Variants in EPHA3 observed in about 807,000 individuals in gnomAD.
EPHA3 encodes ephrin type-A receptor 3.
In EPHA3, 42 loss-of-function variants were observed where a neutral mutation model predicts 107.1. The observed-to-expected ratio is 0.39, with a 90% CI of 0.31 to 0.51. The LOEUF (loss-of-function observed/expected upper bound fraction) is 0.51. EPHA3 is among the 20% of genes least tolerant of loss of function. The pLI is 0.78. For missense variants in EPHA3, 1,183 were observed against 1,211.2 expected (o/e 0.98, Z 0.35); for synonymous variants, 461 against 424.8 (o/e 1.09, Z -1.05).
chr3:89,270,540 G>A (rs1431521924), intron 3 of EPHA3, among the ~76,000 whole-genome samples: 1 of 152,040 alleles, frequency 6.6e-6, no homozygotes, highest in Non-Finnish European at 1.5e-5. Flanking sequence ...GCCTGAGTAT[G>A]AATTCAGTCC....
At chr3:89,319,112 T>C (rs1706980261) in intron 3 of EPHA3, among the ~76,000 whole-genome samples, 1 of 151,990 alleles carries the variant, frequency 6.6e-6, no homozygotes, top group South Asian at 2.1e-4. Flanking sequence ...TTTCTCCAGG[T>C]TCCAAAATGT....
At chr3:89,406,467 T>G (rs1463243514) in intron 7 of EPHA3, among the ~76,000 whole-genome samples, 1 of 152,196 alleles carries the variant, frequency 6.6e-6, no homozygotes, top group Non-Finnish European at 1.5e-5. Context: ...CATTCTCTAT[T>G]GCTGCTACTC....
chr3:89,315,422 G>C lies in EPHA3; in HGVS notation c.815-25494G>C, dbSNP rs909174607. Among the ~76,000 whole-genome samples the C allele has an allele frequency of 2.6e-5, 4 of 151,620 alleles. No homozygotes were observed. The Admixed American group carries it at 2.6e-4, about 10-fold the overall frequency. ...AGCTCAGGGAACATGAACACTTCAG[G>C]GCACCTTCAGGGATTAATGAAAGCT... is the stretch of plus-strand genomic sequence containing the variant. On this transcript the variant is annotated intron_variant, in intron 3 of 16. Coordinates refer to ENST00000336596, the MANE Select transcript of EPHA3 (RefSeq NM_005233.6).
intron 2 of EPHA3, among the ~76,000 whole-genome samples, chr3:89,137,141 T>C (rs570846725): frequency 6.6e-6 from 1 of 152,036 alleles, no homozygotes; most frequent in Admixed American, 6.6e-5. Context: ...ACTGAATAGG[T>C]TTGTGCATTA....
intron 5 of EPHA3, among the ~76,000 whole-genome samples, chr3:89,346,097 T>G (rs1431643261): frequency 8.3e-6 from 1 of 120,386 alleles, no homozygotes; most frequent in African/African-American, 3.3e-5. Context: ...TGTGTCTTTA[T>G]AGCAGCATGA....
intron 5 of EPHA3, among the ~76,000 whole-genome samples, chr3:89,371,116 T>C (rs1328751754): frequency 6.6e-5 from 10 of 151,718 alleles, no homozygotes; most frequent in Admixed American, 6.6e-4. Context: ...GTATAGTCAT[T>C]ATAGATTTGT....
At chr3:89,253,823 G>T (rs1559620072) in intron 3 of EPHA3, among the ~76,000 whole-genome samples, 1 of 150,290 alleles carries the variant, frequency 6.7e-6, no homozygotes, top group Non-Finnish European at 1.5e-5. Context: ...AATAAGAGGA[G>T]TTTTTTTTTT....
Position 89,341,112 on chromosome 3 carries a change from T to C in EPHA3, c.970+41T>C, listed in dbSNP as rs745396535. The C allele has an allele frequency of 5.7e-6, 9 of 1,589,066 alleles. No individual in the cohort carries two copies. The East Asian group carries it at 6.8e-5, about 12-fold the overall frequency. The stretch of plus-strand genomic sequence containing the variant: ...GCAACCCATGCCTCCATGTTTGTTT[T>C]GTTTTCTTCTTGTTACTGTGCTGTT... On this transcript the variant is annotated intron_variant, in intron 4 of 16. Coordinates refer to ENST00000336596, the MANE Select transcript of EPHA3 (RefSeq NM_005233.6).
At chr3:89,168,177 C>T (rs917751582) in intron 2 of EPHA3, among the ~76,000 whole-genome samples, 3 of 152,122 alleles carry the variant, frequency 2.0e-5, no homozygotes, top group Admixed American at 2.0e-4. Flanking sequence ...TTATTCATAA[C>T]TGCTATTTTT....
At position 89,436,316 on chromosome 3, in the gene EPHA3, A is replaced by G. The variant is rs1426011766; in HGVS notation, c.2346+4957A>G. Among the ~76,000 whole-genome samples, 3 of 152,312 alleles carry G rather than the reference A, an allele frequency of 2.0e-5. No homozygotes were observed. In the East Asian group the frequency reaches 5.8e-4, roughly 29 times the overall value. ...AAAAACAAGTTCATCATTCAAAACAATTTGCTGAGGCATTCCTTTTGGATA... is the reference window on the plus strand; with the variant it reads ...AAAAACAAGTTCATCATTCAAAACAGTTTGCTGAGGCATTCCTTTTGGATA... On this transcript the variant is annotated intron_variant, in intron 13 of 16. Coordinates refer to ENST00000336596, the MANE Select transcript of EPHA3 (RefSeq NM_005233.6).
chr3:89,244,532 T>C (rs139543637), intron 3 of EPHA3, among the ~76,000 whole-genome samples: 5 of 152,156 alleles, frequency 3.3e-5, no homozygotes, highest in Non-Finnish European at 4.4e-5. Context: ...ATATTATTTT[T>C]CTGTATTTCT....
intron 12 of EPHA3, among the ~76,000 whole-genome samples, chr3:89,429,395 ACT>A (rs1245786148): frequency 6.6e-6 from 1 of 152,064 alleles, no homozygotes; most frequent in African/African-American, 2.4e-5. Flanking sequence ...TCTTCAAAAG[ACT>A]CTTTTTATAC....
intron 13 of EPHA3, among the ~76,000 whole-genome samples, chr3:89,441,033 C>A (rs895602850): frequency 5.3e-5 from 8 of 152,074 alleles, no homozygotes; most frequent in Non-Finnish European, 1.0e-4. Flanking sequence ...AATGTAAAGT[C>A]AAATTTTATA....
At chr3:89,474,604 A>G (rs1388171065) in intron 16 of EPHA3, among the ~76,000 whole-genome samples, 2 of 152,228 alleles carry the variant, frequency 1.3e-5, no homozygotes, top group South Asian at 4.1e-4. Context: ...TAAAATATCA[A>G]CACTCAAAAC....
intron 2 of EPHA3, among the ~76,000 whole-genome samples, chr3:89,167,292 T>G (rs1258726354): frequency 6.6e-6 from 1 of 152,134 alleles, no homozygotes; most frequent in African/African-American, 2.4e-5. Flanking sequence ...TTTTCAAATA[T>G]AAAATACATA....
chr3:89,179,340 T>G (rs1705386206), intron 2 of EPHA3, among the ~76,000 whole-genome samples: 1 of 152,112 alleles, frequency 6.6e-6, no homozygotes, highest in Non-Finnish European at 1.5e-5. Flanking sequence ...GAAGGGGTTT[T>G]AAACCAGTCT....
intron 2 of EPHA3, among the ~76,000 whole-genome samples, chr3:89,208,216 C>A (rs974402464): frequency 2.6e-5 from 4 of 151,036 alleles, no homozygotes; most frequent in African/African-American, 9.7e-5. Flanking sequence ...CTAAAAATAT[C>A]AAAATTAGCC....
chr3:89,413,073 A>G, intron 9 of EPHA3, 68 bp from the exon 10 acceptor site: 5 of 1,594,752 alleles, frequency 3.1e-6, no homozygotes, highest in Non-Finnish European at 4.3e-6. Context: ...ATAATGCCAT[A>G]AAATTTGATC....
chr3:89,137,461 A>C (rs1704337730), intron 2 of EPHA3, among the ~76,000 whole-genome samples: 1 of 152,018 alleles, frequency 6.6e-6, no homozygotes, highest in South Asian at 2.1e-4. Flanking sequence ...AATTAAATTT[A>C]GTCTATAAAA....
Sources: allele counts gnomAD v4.1 joint callset (sites outside exome capture counted in the v4.1 genomes callset), GRCh38; gene constraint gnomAD v4.1.1; transcripts MANE v1.5; gene names NCBI Gene and HGNC (gene_info 2026-07-23, HGNC 2026-07-21).